Variants in ATP10A observed in about 807,000 individuals in gnomAD.
ATP10A encodes ATPase phospholipid transporting 10A (putative), also known as phospholipid-transporting ATPase VA.
Under a neutral mutation model 147.8 loss-of-function variants are expected in ATP10A, and 111 were observed. The observed-to-expected ratio is 0.75, with a 90% CI of 0.64 to 0.88. The LOEUF is 0.88. Among genes scored for constraint, ATP10A ranks in the 40% least tolerant of loss-of-function variants. The pLI is 0.00. For synonymous variants in ATP10A, 875 were observed against 841.6 expected (o/e 1.04, Z -0.69); for missense variants, 1,927 against 1,959.0 (o/e 0.98, Z 0.31).
chr15:25,781,292 C>G, intron 1 of ATP10A, 69 bp from the exon 2 acceptor site: 1 of 1,337,238 alleles, frequency 7.5e-7, no homozygotes. Flanking sequence ...GTGATGGGCA[C>G]GTGGGGCTCA....
At chr15:25,717,526 G>A (rs1417866106) in intron 8 of ATP10A, among the ~76,000 whole-genome samples, 1 of 152,136 alleles carries the variant, frequency 6.6e-6, no homozygotes, top group Non-Finnish European at 1.5e-5. Flanking sequence ...CCTGCCAAGC[G>A]TGAGAGCCCC....
At chr15:25,808,588 T>C (rs1477662254) in intron 1 of ATP10A, among the ~76,000 whole-genome samples, 2 of 152,190 alleles carry the variant, frequency 1.3e-5, no homozygotes, top group East Asian at 3.9e-4. Flanking sequence ...TTCTCCATGT[T>C]GGTCAGGATG....
chr15:25,736,158 T>C lies in ATP10A; in HGVS notation c.655-17A>G. Reference sequence around the variant, plus strand: ...TTCGGAGACCTAAAATAACAGCACGTAGACATTAGAGAAATCCGGGCTCAG... The same window carrying C: ...TTCGGAGACCTAAAATAACAGCACGCAGACATTAGAGAAATCCGGGCTCAG... On this transcript the variant is annotated splice_polypyrimidine_tract_variant and intron_variant, in intron 2 of 20. Transcript: ENST00000555815. 1.2e-6 allele frequency: 2 copies of C among 1,606,812 alleles called. No individual in the cohort carries two copies. The highest frequency in any genetic ancestry group is 8.5e-7 in the Non-Finnish European group (1 of 1,174,972).
intron 5 of ATP10A, 58 bp downstream of exon 5, chr15:25,725,893 C>A (rs1040483972): frequency 1.9e-6 from 3 of 1,543,280 alleles, no homozygotes; most frequent in African/African-American, 2.7e-5. Context: ...GCTAGGATTA[C>A]GGGCACGAGC....
In ATP10A at chr15:25,683,316, C is replaced by T. The variant is rs115096839; in HGVS notation, c.3462G>A (p.Pro1154=). The T allele has an allele frequency of 6.0e-4, 973 of 1,614,052 alleles. 7 individuals carry two copies. In the East Asian group the frequency reaches 0.018, roughly 31 times the overall value. Residue 1154 remains proline, a synonymous_variant, in exon 17 of 21, where the codon CCG becomes CCA. Transcript: ENST00000555815. ...DVPANVLLTN[P]QLYKSGQNME... ...TGTTCTGGCCACTCTTGTAGAGCTG[C>T]GGGTTGGTCAGCAGCACATTGGCTG...
intron 1 of ATP10A, among the ~76,000 whole-genome samples, chr15:25,859,185 C>T (rs1893647027): frequency 6.6e-6 from 1 of 152,248 alleles, no homozygotes; most frequent in African/African-American, 2.4e-5. Flanking sequence ...CTTCCCCTCT[C>T]CTCCTCCAGC....
At chr15:25,681,780 G>A (rs940149527) in intron 17 of ATP10A, among the ~76,000 whole-genome samples, 4 of 152,180 alleles carry the variant, frequency 2.6e-5, no homozygotes, top group Non-Finnish European at 1.5e-5. Flanking sequence ...CTGGCTGGGT[G>A]CGGTGGCTCA....
At chr15:25,852,523 A>G (rs1229249434) in intron 1 of ATP10A, among the ~76,000 whole-genome samples, 1 of 151,966 alleles carries the variant, frequency 6.6e-6, no homozygotes, top group Non-Finnish European at 1.5e-5. Context: ...CTCACCTCTC[A>G]ATCCTCTGTC....
chr15:25,799,052 A>G lies in ATP10A; in HGVS notation c.450-17829T>C, dbSNP rs564338242. Among the ~76,000 whole-genome samples, 5 of 152,162 alleles carry G rather than the reference A, an allele frequency of 3.3e-5. No homozygotes were observed. In the East Asian group the frequency reaches 7.7e-4, roughly 24 times the overall value. On this transcript the variant is annotated intron_variant, in intron 1 of 20. Transcript: ENST00000555815. ...CTCTGTGCCTTTCCTTCCTCTTCCC[A>G]TGCCTGCTTGCCCGCAGTTATTTTG...
chr15:25,785,035 C>G (rs1890092961), intron 1 of ATP10A, among the ~76,000 whole-genome samples: 2 of 152,014 alleles, frequency 1.3e-5, no homozygotes, highest in African/African-American at 4.8e-5. Flanking sequence ...GCGGGACAGG[C>G]CCCTCCTTAC....
intron 1 of ATP10A, among the ~76,000 whole-genome samples, chr15:25,781,658 A>T (rs1889930774): frequency 6.6e-6 from 1 of 150,618 alleles, no homozygotes; most frequent in Admixed American, 6.6e-5. Flanking sequence ...CCGTCTCAAA[A>T]AAAAAGAAGG....
At chr15:25,772,705 A>AT (rs1889400426) in intron 2 of ATP10A, among the ~76,000 whole-genome samples, 1 of 152,182 alleles carries the variant, frequency 6.6e-6, no homozygotes, top group African/African-American at 2.4e-5. Flanking sequence ...AACGACCCTG[A>AT]AGATCTGGCA....
chr15:25,813,883 C>T (rs953139208), intron 1 of ATP10A, among the ~76,000 whole-genome samples: 2 of 151,514 alleles, frequency 1.3e-5, no homozygotes, highest in African/African-American at 4.8e-5. Flanking sequence ...ATGAAAAGTA[C>T]ATCAGTAATC....
intron 1 of ATP10A, among the ~76,000 whole-genome samples, chr15:25,833,490 C>A (rs1403976726): frequency 1.3e-5 from 2 of 152,092 alleles, no homozygotes; most frequent in African/African-American, 2.4e-5. Context: ...ATTTAAAGAG[C>A]AGTTTGACAG....
At chr15:25,689,113 AC>A (rs1899865782) in intron 15 of ATP10A, among the ~76,000 whole-genome samples, 1 of 152,232 alleles carries the variant, frequency 6.6e-6, no homozygotes, top group Admixed American at 6.5e-5. Context: ...CTTGAGAACC[AC>A]AGTCAAACCC....
At chr15:25,779,002 G>A (rs535407059) in intron 2 of ATP10A, among the ~76,000 whole-genome samples, 3 of 152,214 alleles carry the variant, frequency 2.0e-5, no homozygotes, top group Non-Finnish European at 2.9e-5. Context: ...TCAGCCTCCC[G>A]AGTAGCTGAG....
intron 14 of ATP10A, among the ~76,000 whole-genome samples, chr15:25,692,788 A>ATTCT (rs1266225009): frequency 6.6e-6 from 1 of 152,036 alleles, no homozygotes; most frequent in Non-Finnish European, 1.5e-5. Flanking sequence ...GCTTTAACGC[A>ATTCT]TTCTTTCTTT....
At chr15:25,783,142 CT>C (rs1191844137) in intron 1 of ATP10A, among the ~76,000 whole-genome samples, 1 of 152,188 alleles carries the variant, frequency 6.6e-6, no homozygotes, top group African/African-American at 2.4e-5. Flanking sequence ...CACCACTGCA[CT>C]CCAGCCTGGG....
chr15:25,827,782 C>T (rs760546536), intron 1 of ATP10A, among the ~76,000 whole-genome samples: 13 of 152,176 alleles, frequency 8.5e-5, no homozygotes, highest in South Asian at 2.1e-4. Context: ...ATATGGCAGA[C>T]TTAAATCCTA....
Sources: gnomAD v4.1 joint callset for allele counts (sites outside exome capture counted in the v4.1 genomes callset) on GRCh38, gnomAD v4.1.1 for gene constraint, MANE v1.5 for transcripts, NCBI Gene and HGNC (gene_info 2026-07-23, HGNC 2026-07-21) for gene names.